TNFRSF11A: variants seen among roughly 807,000 people sequenced by gnomAD.
TNFRSF11A encodes the protein tumor necrosis factor receptor superfamily member 11A.
TNFRSF11A carries 32 observed loss-of-function variants against 55.7 expected under a neutral mutation model. The observed-to-expected ratio is 0.57, with a 90% CI of 0.43 to 0.77. The LOEUF is 0.77. Ranked by LOEUF, TNFRSF11A falls within the 30% of genes least tolerant of loss-of-function variation. The probability of loss-of-function intolerance (pLI) is 0.00; values close to 1 mark genes in which losing one functional copy is unlikely to be tolerated. For missense variants in TNFRSF11A, 753 were observed against 809.8 expected (o/e 0.93, Z 0.85); for synonymous variants, 311 against 331.0 (o/e 0.94, Z 0.65).
chr18:62,384,659 C>G, intron 9 of TNFRSF11A, 92 bp from the exon 10 acceptor site: 1 of 1,472,874 alleles, frequency 6.8e-7, no homozygotes. Context: ...ATCCGGGGAG[C>G]CGCCCTCCAC....
intron 2 of TNFRSF11A, among the ~76,000 whole-genome samples, chr18:62,349,259 C>T (rs937374307): frequency 1.3e-5 from 2 of 151,844 alleles, no homozygotes; most frequent in African/African-American, 4.8e-5. Flanking sequence ...TCACTGCAAC[C>T]TCCATCTCCC....
chr18:62,338,295 A>G (rs1465121762), intron 1 of TNFRSF11A, among the ~76,000 whole-genome samples: 1 of 152,214 alleles, frequency 6.6e-6, no homozygotes, highest in Non-Finnish European at 1.5e-5. Context: ...AGAGCTAAAC[A>G]TAGAATTAAC....
rs1169382265 is a variant in TNFRSF11A, at chr18:62,390,199, CTT to C, written c.*5167_*5168del. ...TGCCCACCTGGGACACCTTCCCACT[CTT>C]TGCAACTAGGTCGGAGGGACGCACC... On this transcript the variant is annotated 3_prime_UTR_variant, in exon 10 of 10. Transcript: ENST00000586569. 2.0e-5 allele frequency: 3 copies of C among 152,260 alleles called. No individual in the cohort carries two copies. The highest frequency in any genetic ancestry group is 7.2e-5 in the African/African-American group (3 of 41,456). The allele number at this position is 152,260 out of a possible 1,614,324, so 9.4% of individuals were successfully genotyped here.
At position 62,349,914 on chromosome 18, in the gene TNFRSF11A, T is replaced by G. The variant is rs774077048; in HGVS notation, c.260T>G (p.Leu87Trp). The change falls in exon 3 of 10, where the codon TTG becomes TGG. Residue 87 changes from leucine to tryptophan, a missense_variant. By Grantham distance (61) the Leu-to-Trp change is moderately conservative. Coordinates refer to ENST00000586569, the MANE Select transcript of TNFRSF11A (RefSeq NM_003839.4). ...AGCTGGAATGAAGAAGATAAATGCT[T>G]GCTGCATAAAGTTTGTGATACAGGT... ...LDSWNEEDKC[L>W]LHKVCDTGKA... 2.5e-6 allele frequency: 4 copies of G among 1,614,078 alleles called. No homozygotes were observed. The South Asian group carries it at 4.4e-5, about 18-fold the overall frequency.
At chr18:62,366,784 C>T in intron 8 of TNFRSF11A, 24 bp downstream of exon 8, 1 of 1,613,656 alleles carries the variant, frequency 6.2e-7, no homozygotes, top group Admixed American at 1.7e-5. Flanking sequence ...TTGTTGGTGC[C>T]TCTGTTAAGT....
chr18:62,346,966 G>T (rs185409610), intron 1 of TNFRSF11A, among the ~76,000 whole-genome samples: 11 of 152,208 alleles, frequency 7.2e-5, no homozygotes, highest in Non-Finnish European at 1.2e-4. Context: ...TGCTCATATT[G>T]TCCAAAGTCT....
intron 4 of TNFRSF11A, among the ~76,000 whole-genome samples, chr18:62,355,497 G>A (rs542304353): frequency 9.2e-5 from 14 of 152,178 alleles, no homozygotes; most frequent in African/African-American, 1.7e-4. Context: ...GGCTGGTCTC[G>A]AACTCCCGAC....
At position 62,348,339 on chromosome 18, in the gene TNFRSF11A, AT is replaced by A. The variant is rs2046415815; in HGVS notation, c.157+92del. 3.5e-5 allele frequency: 42 copies of A among 1,194,682 alleles called. No individual in the cohort carries two copies. In the South Asian group the frequency reaches 4.8e-4, roughly 14 times the overall value. The allele number at this position is 1,194,682 out of a possible 1,614,324, so 74.0% of individuals were successfully genotyped here. A position where few individuals can be genotyped will look rare whatever the true frequency, so the allele number is the denominator to read the frequency against. On this transcript the variant is annotated intron_variant, in intron 2 of 9. Coordinates refer to ENST00000586569, the MANE Select transcript of TNFRSF11A (RefSeq NM_003839.4). ...TCTGTCTGCCAGATGAAAAAAAGAA[AT>A]TGGATAGACGCGTTATGGTAGTGGC...
chr18:62,325,470 T>G lies in TNFRSF11A; in HGVS notation c.75+43T>G. On this transcript the variant is annotated intron_variant, in intron 1 of 9. Transcript: ENST00000586569. This position sits in a 1 kb window ranked among gnomAD's most constrained non-coding sequence, Gnocchi z 4.7. ...CTGCCGGGCCGCGCGGCCCGACGCC[T>G]CCTCGGGAGCCCCGGGAAGGGCCGG... 8.5e-7 allele frequency: 1 copy of G among 1,170,924 alleles called. No individual in the cohort carries two copies. 72.5% of individuals were successfully genotyped at this position (1,170,924 alleles called of 1,614,324 possible).
Position 62,353,437 on chromosome 18 carries a change from A to G in TNFRSF11A, c.284-954A>G, listed in dbSNP as rs569685767. Among the ~76,000 whole-genome samples the G allele has an allele frequency of 4.3e-4, 66 of 152,294 alleles. 1 individual carries two copies. In the South Asian group the frequency reaches 0.011, roughly 26 times the overall value. ...GGGGGCTGTTGTAAGCAGGGAAATCACCAACAAAAAGCTCGTTTACCTTCT... is the reference window on the plus strand; with the variant it reads ...GGGGGCTGTTGTAAGCAGGGAAATCGCCAACAAAAAGCTCGTTTACCTTCT... On this transcript the variant is annotated intron_variant, in intron 3 of 9. Coordinates refer to ENST00000586569, the MANE Select transcript of TNFRSF11A (RefSeq NM_003839.4).
chr18:62,325,507 T>C lies in TNFRSF11A; in HGVS notation c.75+80T>C. The C allele has an allele frequency of 2.1e-6, 2 of 934,864 alleles. No individual in the cohort carries two copies. Among genetic ancestry groups the C allele is most frequent in the Non-Finnish European group, 2.7e-6 (2 of 736,454 alleles). The allele number at this position is 934,864 out of a possible 1,614,324, so 57.9% of individuals were successfully genotyped here. ...CCGGGAAGGGCCGGGGCCGGCGGCA[T>C]CCTGGCTCCTCCGCCTTCCGAGAGG... On this transcript the variant is annotated intron_variant, in intron 1 of 9. Transcript: ENST00000586569. This position sits in a 1 kb window ranked among gnomAD's most constrained non-coding sequence, Gnocchi z 4.7.
At position 62,325,397 on chromosome 18, in the gene TNFRSF11A, G is replaced by A. The variant is rs974810586; in HGVS notation, c.45G>A (p.Leu15=). ...GGCGCCGCCCGCTGTTCGCGCTGCTGCTGCTCTGCGCGCTGCTCGCCCGGC... is the reference window on the plus strand; with the variant it reads ...GGCGCCGCCCGCTGTTCGCGCTGCTACTGCTCTGCGCGCTGCTCGCCCGGC... ...ARRRRPLFAL[L]LLCALLARLQ... is the part of the protein sequence containing the mutation. Residue 15 remains leucine (L), a synonymous_variant, in exon 1 of 10, where the codon CTG becomes CTA. Coordinates refer to ENST00000586569, the MANE Select transcript of TNFRSF11A (RefSeq NM_003839.4). The surrounding 1 kb of genome is among the most constrained non-coding windows in gnomAD (Gnocchi z 4.7). The A allele has an allele frequency of 5.0e-6, 6 of 1,197,418 alleles. No homozygotes were observed. The highest frequency in any genetic ancestry group is 6.3e-6 in the Non-Finnish European group (6 of 957,282). The allele number at this position is 1,197,418 out of a possible 1,614,324, so 74.2% of individuals were successfully genotyped here.
chr18:62,369,456 C>A lies in TNFRSF11A; in HGVS notation c.1539C>A (p.Ser513Arg), dbSNP rs1346891770. The A allele has an allele frequency of 1.2e-6, 2 of 1,609,060 alleles. No individual in the cohort carries two copies. Among genetic ancestry groups the A allele is most frequent in the East Asian group, 4.5e-5 (2 of 44,882 alleles). Residue 513 changes from serine (S) to arginine (R), a missense_variant, in exon 9 of 10, where the codon AGC becomes AGA. Transcript: ENST00000586569. Reference protein sequence around the residue: ...SSARAGAGSGSSPGGQSPASG... With the variant: ...SSARAGAGSGRSPGGQSPASG... Reference sequence around the variant, plus strand: ...CGAGGGCAGGTGCCGGGTCTGGAAGCTCCCCTGGTGGCCAGTCCCCTGCAT... The same window carrying A: ...CGAGGGCAGGTGCCGGGTCTGGAAGATCCCCTGGTGGCCAGTCCCCTGCAT...
intron 1 of TNFRSF11A, among the ~76,000 whole-genome samples, chr18:62,339,015 G>T (rs923774990): frequency 2.0e-5 from 3 of 152,016 alleles, no homozygotes; most frequent in Non-Finnish European, 2.9e-5. Flanking sequence ...TGCACTTTTC[G>T]TCTCCATCTC....
At position 62,391,142 on chromosome 18, in the gene TNFRSF11A, A is replaced by C. The variant is rs1911976420; in HGVS notation, c.*6108A>C. The C allele has an allele frequency of 6.6e-6, 1 of 152,168 alleles. No homozygotes were observed. The highest frequency in any genetic ancestry group is 3.1e-3 in the Middle Eastern group (1 of 318). 9.4% of individuals were successfully genotyped at this position (152,168 alleles called of 1,614,324 possible). ...ATTTGAGTCTGGCTTCTTTCCACAT[A>C]ATGTCCTTGAGATCCATCGGTGGGT... On this transcript the variant is annotated 3_prime_UTR_variant, in exon 10 of 10. Transcript: ENST00000586569.
intron 1 of TNFRSF11A, among the ~76,000 whole-genome samples, chr18:62,327,551 T>A (rs8092023): frequency 0.28 from 42,225 of 152,044 alleles, 6,210 homozygotes; most frequent in African/African-American, 0.35. Context: ...AGGAAAAAGC[T>A]CTCTCTGTAT....
At chr18:62,375,769 G>C (rs1910848744) in intron 9 of TNFRSF11A, among the ~76,000 whole-genome samples, 1 of 152,158 alleles carries the variant, frequency 6.6e-6, no homozygotes, top group Non-Finnish European at 1.5e-5. Context: ...GGGAAGCCAA[G>C]GTGGGAGGAT....
At chr18:62,359,557 T>G (rs1195385465) in intron 5 of TNFRSF11A, among the ~76,000 whole-genome samples, 1 of 152,080 alleles carries the variant, frequency 6.6e-6, no homozygotes, top group Non-Finnish European at 1.5e-5. Context: ...TTTTAAATTT[T>G]TTGTAGAGAC....
chr18:62,382,308 G>C (rs749755310), intron 9 of TNFRSF11A, among the ~76,000 whole-genome samples: 1 of 151,694 alleles, frequency 6.6e-6, no homozygotes, highest in African/African-American at 2.4e-5. Flanking sequence ...ACGGGGTTTC[G>C]CCATATTGGC....
Sources: gnomAD v4.1 joint callset for allele counts (sites outside exome capture counted in the v4.1 genomes callset) on GRCh38, gnomAD v4.1.1 for gene constraint, Gnocchi (gnomAD v3.1) non-coding constraint, MANE v1.5 for transcripts, NCBI Gene and HGNC (gene_info 2026-07-23, HGNC 2026-07-21) for gene names.